FAM53B: variants seen among roughly 807,000 people sequenced by gnomAD.
FAM53B encodes the protein protein FAM53B.
A neutral mutation model predicts 32.7 loss-of-function variants in FAM53B; 12 were observed. The ratio of observed to expected loss-of-function variants is 0.37; its 90% CI spans 0.24 to 0.59. FAM53B has a LOEUF of 0.59. Among genes scored for constraint, FAM53B ranks in the 20% least tolerant of loss-of-function variants. The pLI is 0.72. For synonymous variants in FAM53B, 234 were observed against 228.7 expected (o/e 1.02, Z -0.21); for missense variants, 477 against 577.7 (o/e 0.83, Z 1.79).
chr10:124,711,095 G>A (rs1949999369), intron 1 of FAM53B, among the ~76,000 whole-genome samples: 1 of 152,136 alleles, frequency 6.6e-6, no homozygotes, highest in Non-Finnish European at 1.5e-5. Context: ...TAGACAAAAT[G>A]TGGCAGGGCA....
intron 4 of FAM53B, among the ~76,000 whole-genome samples, chr10:124,636,726 C>T (rs911422281): frequency 1.3e-5 from 2 of 151,972 alleles, no homozygotes; most frequent in Non-Finnish European, 2.9e-5. Flanking sequence ...CTGTTTGTCA[C>T]CAATGGTTCT....
intron 4 of FAM53B, among the ~76,000 whole-genome samples, chr10:124,679,564 T>C (rs1373067651): frequency 6.6e-6 from 1 of 152,212 alleles, no homozygotes; most frequent in Non-Finnish European, 1.5e-5. Flanking sequence ...GTCTAGACTC[T>C]TGGTGGGGGC....
At chr10:124,694,561 C>A (rs1282272589) in intron 3 of FAM53B, among the ~76,000 whole-genome samples, 1 of 152,258 alleles carries the variant, frequency 6.6e-6, no homozygotes, top group Non-Finnish European at 1.5e-5. Context: ...GTTTACTGGT[C>A]TGGCCCGGTT....
intron 1 of FAM53B, among the ~76,000 whole-genome samples, chr10:124,722,513 A>C (rs1271645790): frequency 6.6e-6 from 1 of 152,212 alleles, no homozygotes; most frequent in African/African-American, 2.4e-5. Flanking sequence ...GATACAAAGG[A>C]AACTTAACAT....
intron 4 of FAM53B, among the ~76,000 whole-genome samples, chr10:124,661,535 C>G (rs971418031): frequency 6.6e-6 from 1 of 152,238 alleles, no homozygotes; most frequent in African/African-American, 2.4e-5. Flanking sequence ...CTTCTCCCAG[C>G]TGGTGGGCTC....
At chr10:124,623,744 C>T (rs559296616) in intron 4 of FAM53B, 140 bp from the exon 5 acceptor site, 38 of 948,484 alleles carry the variant, frequency 4.0e-5, no homozygotes, top group Non-Finnish European at 5.2e-5. Flanking sequence ...CAGGCAAGGA[C>T]GGGCCCATGA....
intron 3 of FAM53B, among the ~76,000 whole-genome samples, chr10:124,688,467 C>T (rs906651619): frequency 6.6e-6 from 1 of 152,186 alleles, no homozygotes. Context: ...AGAGCCTTTG[C>T]CTGCAGATGG....
Position 124,706,907 on chromosome 10 carries a change from G to A in FAM53B, c.-174-20C>T. On this transcript the variant is annotated intron_variant, in intron 1 of 4. Transcript: ENST00000337318. ...AACTCCCTGGAAAGACAAAAGAAAA[G>A]CAAAAAGATTCAGGACTAAGAAAGA... The A allele has an allele frequency of 7.0e-7, 1 of 1,430,300 alleles. No homozygotes were observed. Among genetic ancestry groups the A allele is most frequent in the South Asian group, 1.5e-5 (1 of 66,998 alleles). The allele number at this position is 1,430,300 out of a possible 1,614,324, so 88.6% of individuals were successfully genotyped here.
chr10:124,664,400 C>T (rs2134058738), intron 4 of FAM53B, among the ~76,000 whole-genome samples: 1 of 152,342 alleles, frequency 6.6e-6, no homozygotes, highest in South Asian at 2.1e-4. Flanking sequence ...GCATGCTGCT[C>T]GCCTTTAGGA....
At chr10:124,722,776 G>A (rs955926740) in intron 1 of FAM53B, among the ~76,000 whole-genome samples, 3 of 152,184 alleles carry the variant, frequency 2.0e-5, no homozygotes, top group Non-Finnish European at 4.4e-5. Flanking sequence ...ACAAGAAAAT[G>A]ACAACAGGAG....
chr10:124,664,520 C>A (rs1949656327), intron 4 of FAM53B, among the ~76,000 whole-genome samples: 1 of 152,158 alleles, frequency 6.6e-6, no homozygotes, highest in Non-Finnish European at 1.5e-5. Flanking sequence ...TACAAGGCCC[C>A]CAAGTCTTCA....
chr10:124,698,029 C>T (rs1216605375), intron 2 of FAM53B, among the ~76,000 whole-genome samples: 1 of 152,232 alleles, frequency 6.6e-6, no homozygotes, highest in Non-Finnish European at 1.5e-5. Context: ...TGGGGCTGCA[C>T]TGCCTGCACA....
At chr10:124,717,024 C>T (rs1458981558) in intron 1 of FAM53B, among the ~76,000 whole-genome samples, 1 of 152,026 alleles carries the variant, frequency 6.6e-6, no homozygotes, top group African/African-American at 2.4e-5. Context: ...TAAAAACCAA[C>T]AGAAGAGGGG....
chr10:124,646,142 T>C (rs1009978455), intron 4 of FAM53B, among the ~76,000 whole-genome samples: 2 of 152,136 alleles, frequency 1.3e-5, no homozygotes, highest in African/African-American at 4.8e-5. Context: ...GGGGGAACAA[T>C]GAGCATCTAG....
intron 2 of FAM53B, among the ~76,000 whole-genome samples, chr10:124,697,700 TG>T (rs371776098): frequency 1.3e-5 from 2 of 151,878 alleles, no homozygotes; most frequent in South Asian, 2.1e-4. Flanking sequence ...GGCAGCCTCC[TG>T]GGGGGGATGC....
At chr10:124,669,745 C>T (rs61870529) in intron 4 of FAM53B, among the ~76,000 whole-genome samples, 31,749 of 152,140 alleles carry the variant, frequency 0.21, 3,793 homozygotes, top group Non-Finnish European at 0.27. Context: ...CACGGGCTGT[C>T]GGGGCCAAAG....
intron 4 of FAM53B, 104 bp from the exon 5 acceptor site, chr10:124,623,708 C>T: frequency 7.4e-7 from 1 of 1,342,784 alleles, no homozygotes; most frequent in Non-Finnish European, 9.9e-7. Flanking sequence ...GTGGCAAGAC[C>T]AATCAAGTCC....
At chr10:124,693,512 C>T (rs1401387195) in intron 3 of FAM53B, among the ~76,000 whole-genome samples, 21 of 151,920 alleles carry the variant, frequency 1.4e-4, no homozygotes, top group African/African-American at 4.8e-5. Context: ...GATGAAATCT[C>T]GCTGCCTGGG....
intron 4 of FAM53B, among the ~76,000 whole-genome samples, chr10:124,667,579 A>T (rs1160389754): frequency 1.3e-5 from 2 of 152,200 alleles, no homozygotes; most frequent in Non-Finnish European, 2.9e-5. Flanking sequence ...AGGACCGGGC[A>T]GGGCTGGGAG....
Sources: allele counts gnomAD v4.1 joint callset (sites outside exome capture counted in the v4.1 genomes callset), GRCh38; gene constraint gnomAD v4.1.1; transcripts MANE v1.5; gene names NCBI Gene and HGNC (gene_info 2026-07-23, HGNC 2026-07-21).